The following MSI2 variants were observed in gnomAD, a reference collection of about 807,000 sequenced individuals.
The protein encoded by MSI2 is musashi RNA binding protein 2.
A neutral mutation model predicts 45.6 loss-of-function variants in MSI2; 17 were observed. The ratio of observed to expected loss-of-function variants is 0.37; its 90% confidence interval spans 0.26 to 0.56. The LOEUF (loss-of-function observed/expected upper bound fraction) is 0.56, where lower values mean the gene tolerates loss of function less well. MSI2 is among the 20% of genes least tolerant of loss of function. MSI2 has a pLI of 0.77. For missense variants in MSI2, 293 were observed against 444.2 expected (o/e 0.66, Z 3.06); for synonymous variants, 156 against 158.2 (o/e 0.99, Z 0.11).
chr17:57,594,939 G>A (rs888078153), intron 7 of MSI2, among the ~76,000 whole-genome samples: 2 of 152,200 alleles, frequency 1.3e-5, no homozygotes, highest in Non-Finnish European at 2.9e-5. Context: ...GCGGGTGGTG[G>A]TAGCAAATGA....
At position 57,514,726 on chromosome 17, in the gene MSI2, G is replaced by A. The variant is rs1003498945; in HGVS notation, c.406-14950G>A. ...GTTCTTTTTTCCCCCTTAGGGTGTT[G>A]TGTGGCTCAGGGATTAAGTAGGAGG... On this transcript the variant is annotated intron_variant, in intron 6 of 13. Transcript: ENST00000284073. Among the ~76,000 whole-genome samples, 9 of 145,440 alleles carry A rather than the reference G, an allele frequency of 6.2e-5. 1 individual carries two copies. Among genetic ancestry groups the A allele is most frequent in the African/African-American group, 2.3e-4 (9 of 38,872 alleles).
intron 6 of MSI2, among the ~76,000 whole-genome samples, chr17:57,502,609 A>G (rs1241012644): frequency 3.3e-4 from 32 of 95,716 alleles, no homozygotes; most frequent in African/African-American, 1.2e-3. Flanking sequence ...TGAGATATAT[A>G]TATATATATA....
At chr17:57,522,653 G>A (rs984906396) in intron 6 of MSI2, 9 of 152,112 alleles carry the variant, frequency 5.9e-5, no homozygotes, top group African/African-American at 2.2e-4. Flanking sequence ...TGGATCTTAG[G>A]GGCCATCTCA....
intron 6 of MSI2, among the ~76,000 whole-genome samples, chr17:57,443,072 T>A (rs2084829583): frequency 6.6e-6 from 1 of 152,156 alleles, no homozygotes; most frequent in Non-Finnish European, 1.5e-5. Context: ...TTGCGGCCTG[T>A]CTGCCTGGCT....
intron 5 of MSI2, among the ~76,000 whole-genome samples, chr17:57,263,307 A>G (rs1237320793): frequency 6.6e-6 from 1 of 152,186 alleles, no homozygotes; most frequent in Non-Finnish European, 1.5e-5. Context: ...CCTTTTTTAA[A>G]GATGGAAACA....
At chr17:57,686,965 T>C (rs1464345920), downstream of MSI2, among the ~76,000 whole-genome samples, 1 of 151,860 alleles carries the variant, frequency 6.6e-6, no homozygotes, top group Non-Finnish European at 1.5e-5. Context: ...TTTTGGTTTA[T>C]ATTCATGGAA....
chr17:57,256,718 G>T lies in MSI2; in HGVS notation c.-25G>T. The T allele has an allele frequency of 2.6e-5, 18 of 687,040 alleles. No individual in the cohort carries two copies. Among genetic ancestry groups the T allele is most frequent in the Non-Finnish European group, 3.5e-5 (17 of 486,030 alleles). 42.6% of individuals were successfully genotyped at this position (687,040 alleles called of 1,614,324 possible). On this transcript the variant is annotated 5_prime_UTR_variant, in exon 1 of 14. Coordinates refer to ENST00000284073, the MANE Select transcript of MSI2 (RefSeq NM_138962.4). ...TCGCTGTGGGGCTTGGTTTTTTGGG[G>T]GTGGGGGGGCGGGGGGGCTCAGATA...
intron 6 of MSI2, among the ~76,000 whole-genome samples, chr17:57,508,063 C>CGCA (rs2086275963): frequency 6.6e-6 from 1 of 152,284 alleles, no homozygotes; most frequent in East Asian, 1.9e-4. Flanking sequence ...TACTTCAGAG[C>CGCA]GCAGCAGCAG....
At position 57,407,233 on chromosome 17, in the gene MSI2, G is replaced by A. The variant is rs968969537; in HGVS notation, c.405+5762G>A. ...CCAGCGTGGGCGATTGTGGGTGAGT[G>A]AGGCCCGAGGAAGCGCTGGGTGCCT... On this transcript the variant is annotated intron_variant, in intron 6 of 13. Transcript: ENST00000284073. The surrounding 1 kb of genome is among the most constrained non-coding windows in gnomAD (Gnocchi z 4.1). Among the ~76,000 whole-genome samples the A allele has an allele frequency of 5.3e-5, 8 of 152,170 alleles. No individual in the cohort carries two copies. The highest frequency in any genetic ancestry group is 1.7e-4 in the African/African-American group (7 of 41,440).
intron 5 of MSI2, among the ~76,000 whole-genome samples, chr17:57,385,913 G>A (rs1025506395): frequency 1.3e-5 from 2 of 152,156 alleles, no homozygotes; most frequent in Admixed American, 6.5e-5. Flanking sequence ...AGATCTTCAA[G>A]GGCACAGAAC....
intron 6 of MSI2, among the ~76,000 whole-genome samples, chr17:57,439,202 G>A (rs1306716887): frequency 6.6e-6 from 1 of 152,180 alleles, no homozygotes; most frequent in Non-Finnish European, 1.5e-5. Context: ...GGTTGATGCT[G>A]GGGAAGGCTT....
In MSI2 at chr17:57,307,026, T is replaced by G. The variant is rs1369554435; in HGVS notation, c.312+44834T>G. 6.6e-5 allele frequency among the ~76,000 whole-genome samples: 10 copies of G among 152,368 alleles called. 1 individual carries two copies. The South Asian group carries it at 2.1e-3, about 32-fold the overall frequency. ...ATGAGGACTTGGTCTTTGATACATT[T>G]GTGCAGTTTTTGAGGAACATTTTGA... On this transcript the variant is annotated intron_variant, in intron 5 of 13. Transcript: ENST00000284073.
Position 57,619,346 on chromosome 17 carries a change from G to A in MSI2, c.652+3262G>A, listed in dbSNP as rs375714430. Among the ~76,000 whole-genome samples, 24 of 152,310 alleles carry A rather than the reference G, an allele frequency of 1.6e-4. No homozygotes were observed. In the South Asian group the frequency reaches 3.3e-3, roughly 21 times the overall value. The stretch of plus-strand genomic sequence containing the variant: ...CAAGCAGATGTGCTTCCTGCCCTCC[G>A]CGAGCTTGTGGTCTATACAGAGAGC... On this transcript the variant is annotated intron_variant, in intron 9 of 13. Transcript: ENST00000284073.
intron 8 of MSI2, among the ~76,000 whole-genome samples, chr17:57,607,664 A>G (rs1906770085): frequency 6.6e-6 from 1 of 152,228 alleles, no homozygotes; most frequent in Admixed American, 6.5e-5. Context: ...TCGCGTTGCT[A>G]TAAAGAAATA....
At chr17:57,551,931 C>G (rs1316617974) in intron 7 of MSI2, among the ~76,000 whole-genome samples, 1 of 152,192 alleles carries the variant, frequency 6.6e-6, no homozygotes, top group East Asian at 1.9e-4. Flanking sequence ...CCTTTCTCCC[C>G]CTGGCTGGAG....
intron 7 of MSI2, among the ~76,000 whole-genome samples, chr17:57,574,504 A>G (rs566829222): frequency 1.3e-5 from 2 of 152,314 alleles, no homozygotes; most frequent in East Asian, 3.9e-4. Context: ...GCCCAGGTCA[A>G]GGATGCAATT....
At chr17:57,566,170 G>A (rs143297145) in intron 7 of MSI2, among the ~76,000 whole-genome samples, 184 of 152,232 alleles carry the variant, frequency 1.2e-3, no homozygotes, top group African/African-American at 4.1e-3. Context: ...GCTTGTGTAC[G>A]GCACAGTCCT....
At chr17:57,412,490 G>A (rs1176835953) in intron 6 of MSI2, among the ~76,000 whole-genome samples, 1 of 152,138 alleles carries the variant, frequency 6.6e-6, no homozygotes, top group Admixed American at 6.5e-5. Context: ...GTCCCTTAAC[G>A]TACTTTGCCT....
At chr17:57,688,076 G>A (rs1020139607), downstream of MSI2, among the ~76,000 whole-genome samples, 61 of 152,168 alleles carry the variant, frequency 4.0e-4, no homozygotes, top group Middle Eastern at 3.4e-3. Flanking sequence ...ATTAATATTT[G>A]CCAAACCAAC....
Sources: allele counts gnomAD v4.1 joint callset (sites outside exome capture counted in the v4.1 genomes callset), GRCh38; gene constraint gnomAD v4.1.1; non-coding constraint Gnocchi (gnomAD v3.1); transcripts MANE v1.5; gene names NCBI Gene and HGNC (gene_info 2026-07-23, HGNC 2026-07-21).